ZNF366: variants seen among roughly 807,000 people sequenced by gnomAD.
ZNF366 encodes the protein dendritic cell-specific transcript protein.
In ZNF366, 20 loss-of-function variants were observed where a neutral mutation model predicts 47.2. That is an observed-to-expected ratio of 0.42 (90% confidence interval 0.30 to 0.62). The LOEUF (loss-of-function observed/expected upper bound fraction) is 0.62, where lower values mean the gene tolerates loss of function less well. Among genes scored for constraint, ZNF366 ranks in the 20% least tolerant of loss-of-function variants. ZNF366 has a pLI of 0.16. For missense variants in ZNF366, 987 were observed against 976.3 expected, an observed-to-expected ratio of 1.01 and a Z score of -0.15; for synonymous variants, 421 against 395.1, an observed-to-expected ratio of 1.07 and a Z score of -0.78.
At chr5:72,501,765 G>A (rs1220286469) in intron 1 of ZNF366, among the ~76,000 whole-genome samples, 5 of 152,232 alleles carry the variant, frequency 3.3e-5, no homozygotes, top group South Asian at 2.1e-4. Flanking sequence ...TCTCTGTCTC[G>A]CCAAAAACAA....
chr5:72,481,293 C>G (rs1269856407), intron 1 of ZNF366, among the ~76,000 whole-genome samples: 1 of 151,828 alleles, frequency 6.6e-6, no homozygotes, highest in Non-Finnish European at 1.5e-5. Context: ...TAATTTATTA[C>G]CATTGTAAAT....
At position 72,440,469 on chromosome 5, in the gene ZNF366, T is replaced by C. The variant is rs1255719698; in HGVS notation, c.*3287A>G. The C allele has an allele frequency of 1.3e-5, 2 of 152,232 alleles. No individual in the cohort carries two copies. Among genetic ancestry groups the C allele is most frequent in the East Asian group, 3.8e-4 (2 of 5,200 alleles). 9.4% of individuals were successfully genotyped at this position (152,232 alleles called of 1,614,324 possible). ...AGTGGTCAAAAGGCTGGAAAGCATT[T>C]GGTAGTGACCTATTTTCAGAGTCTC... On this transcript the variant is annotated 3_prime_UTR_variant, in exon 5 of 5. Coordinates refer to ENST00000318442, the MANE Select transcript of ZNF366 (RefSeq NM_152625.3).
intron 1 of ZNF366, among the ~76,000 whole-genome samples, chr5:72,462,061 T>C (rs1314910670): frequency 1.3e-5 from 2 of 152,192 alleles, no homozygotes; most frequent in Non-Finnish European, 2.9e-5. Flanking sequence ...TGCTTGGGCC[T>C]TTGCTGCTGG....
At chr5:72,445,298 G>T (rs7708005) in intron 4 of ZNF366, among the ~76,000 whole-genome samples, 127,727 of 151,816 alleles carry the variant, frequency 0.84, 53,920 homozygotes, top group East Asian at 0.97. Flanking sequence ...AGGGATGGGC[G>T]GGACACTGAG....
At chr5:72,456,637 A>G in intron 2 of ZNF366, 42 bp from the exon 3 acceptor site, 1 of 1,536,454 alleles carries the variant, frequency 6.5e-7, no homozygotes, top group African/African-American at 1.4e-5. Flanking sequence ...ATTGACAGGT[A>G]ACATGCTTTC....
chr5:72,501,199 G>A (rs989420306), intron 1 of ZNF366, among the ~76,000 whole-genome samples: 2 of 152,144 alleles, frequency 1.3e-5, no homozygotes, highest in Non-Finnish European at 2.9e-5. Flanking sequence ...TGGCAGTGCC[G>A]TTGTTGGTAA....
At chr5:72,451,300 AC>A (rs1397624092) in intron 3 of ZNF366, among the ~76,000 whole-genome samples, 1 of 152,198 alleles carries the variant, frequency 6.6e-6, no homozygotes, top group Non-Finnish European at 1.5e-5. Context: ...TTCTCCATCC[AC>A]CCGCTTTTTA....
chr5:72,505,033 G>A (rs1447200626), intron 1 of ZNF366, among the ~76,000 whole-genome samples: 2 of 152,152 alleles, frequency 1.3e-5, no homozygotes, highest in Non-Finnish European at 2.9e-5. Context: ...AGATCTACAG[G>A]ACACACATCC....
intron 3 of ZNF366, among the ~76,000 whole-genome samples, chr5:72,449,884 T>A (rs1044933278): frequency 6.6e-6 from 1 of 152,060 alleles, no homozygotes; most frequent in East Asian, 1.9e-4. Context: ...GGACAAGGCA[T>A]GTAGCGGGAG....
intron 1 of ZNF366, among the ~76,000 whole-genome samples, chr5:72,506,358 T>C (rs1167521191): frequency 6.6e-6 from 1 of 152,244 alleles, no homozygotes; most frequent in Non-Finnish European, 1.5e-5. Flanking sequence ...GGTAACATTA[T>C]CCTTTATGAC....
chr5:72,496,419 TTCTC>T (rs1426335671), intron 1 of ZNF366, among the ~76,000 whole-genome samples: 5 of 152,224 alleles, frequency 3.3e-5, no homozygotes, highest in Non-Finnish European at 7.3e-5. Flanking sequence ...TCTGGCTTCT[TTCTC>T]TCAGTGTGAT....
intron 1 of ZNF366, among the ~76,000 whole-genome samples, chr5:72,477,724 G>A (rs992786160): frequency 2.6e-5 from 4 of 152,162 alleles, no homozygotes; most frequent in Admixed American, 2.0e-4. Context: ...ACATAACCTG[G>A]AAGTAAGGGA....
At chr5:72,450,048 T>A (rs546733025) in intron 3 of ZNF366, among the ~76,000 whole-genome samples, 1 of 152,316 alleles carries the variant, frequency 6.6e-6, no homozygotes, top group African/African-American at 2.4e-5. Context: ...CTTTCAGTTA[T>A]TATCTGTGGT....
chr5:72,464,863 A>T (rs1263235170), intron 1 of ZNF366, among the ~76,000 whole-genome samples: 1 of 152,120 alleles, frequency 6.6e-6, no homozygotes. Flanking sequence ...GTTTGAGACC[A>T]GCCTGGCCAA....
rs74762969 is a variant in ZNF366 at position 72,498,490 on chromosome 5, A to G, written c.-15+8761T>C. Among the ~76,000 whole-genome samples, 1,437 of 152,334 alleles carry G rather than the reference A, an allele frequency of 9.4e-3. 33 individuals carry two copies. The highest frequency in any genetic ancestry group is 0.033 in the African/African-American group (1,362 of 41,572). ...TAGCATTCTTTCCTGCGTTACTCAC[A>G]TTCTCAAAACAACACACAGTAAGTG... is the stretch of plus-strand genomic sequence containing the variant. On this transcript the variant is annotated intron_variant, in intron 1 of 4. Transcript: ENST00000318442.
At chr5:72,471,056 A>G (rs1308381159) in intron 1 of ZNF366, among the ~76,000 whole-genome samples, 1 of 152,236 alleles carries the variant, frequency 6.6e-6, no homozygotes, top group Admixed American at 6.5e-5. Flanking sequence ...ACACACCCAC[A>G]TTCCTGCAAA....
chr5:72,500,616 G>A (rs6869150), intron 1 of ZNF366, among the ~76,000 whole-genome samples: 7,252 of 152,276 alleles, frequency 0.048, 517 homozygotes, highest in African/African-American at 0.15. Flanking sequence ...GTCCAGTAAT[G>A]CCACTATTTA....
chr5:72,458,931 C>T (rs1743246703), intron 2 of ZNF366, among the ~76,000 whole-genome samples: 1 of 152,156 alleles, frequency 6.6e-6, no homozygotes, highest in Non-Finnish European at 1.5e-5. Context: ...CTCTAAAATG[C>T]ACTTTTGATT....
At chr5:72,485,613 C>T (rs1212762379) in intron 1 of ZNF366, among the ~76,000 whole-genome samples, 3 of 152,160 alleles carry the variant, frequency 2.0e-5, no homozygotes, top group African/African-American at 7.2e-5. Context: ...TGTCTTCTCC[C>T]TTGGGCTCCT....
Sources: allele counts gnomAD v4.1 joint callset (sites outside exome capture counted in the v4.1 genomes callset), GRCh38; gene constraint gnomAD v4.1.1; transcripts MANE v1.5; gene names NCBI Gene and HGNC (gene_info 2026-07-23, HGNC 2026-07-21).